Variants in MARCHF3 observed in about 807,000 individuals in gnomAD.
MARCHF3 encodes membrane associated ring-CH-type finger 3.
In MARCHF3, 13 loss-of-function variants were observed where a neutral mutation model predicts 24.2. The observed-to-expected ratio is 0.54, with a 90% CI of 0.35 to 0.85. MARCHF3 has a LOEUF of 0.85. MARCHF3 is among the 40% of genes least tolerant of loss of function. The pLI is 0.01. For missense variants in MARCHF3, 276 were observed against 325.0 expected, an observed-to-expected ratio of 0.85 and a Z score of 1.16; for synonymous variants, 144 against 137.3, an observed-to-expected ratio of 1.05 and a Z score of -0.34.
At chr5:126,895,622 T>C (rs1411417924) in intron 3 of MARCHF3, among the ~76,000 whole-genome samples, 1 of 151,906 alleles carries the variant, frequency 6.6e-6, no homozygotes, top group African/African-American at 2.4e-5. Flanking sequence ...GTTATGCTGC[T>C]CGGGGGTCAG....
At chr5:127,016,153 GA>G (rs1752631718) in intron 1 of MARCHF3, among the ~76,000 whole-genome samples, 1 of 151,848 alleles carries the variant, frequency 6.6e-6, no homozygotes, top group South Asian at 2.1e-4. Flanking sequence ...ATACATGTAG[GA>G]AAAAAACATA....
At chr5:126,878,791 C>T (rs528503606) in intron 3 of MARCHF3, among the ~76,000 whole-genome samples, 14 of 152,246 alleles carry the variant, frequency 9.2e-5, no homozygotes, top group Admixed American at 3.3e-4. Flanking sequence ...GTGCTGGAAA[C>T]GGTTGAGTTG....
At chr5:126,988,020 C>T (rs73786270) in intron 1 of MARCHF3, among the ~76,000 whole-genome samples, 2 of 151,968 alleles carry the variant, frequency 1.3e-5, no homozygotes, top group East Asian at 1.9e-4. Context: ...CTTGTCTCTA[C>T]GTCTAAAATT....
At chr5:126,955,710 C>T (rs910034122) in intron 1 of MARCHF3, among the ~76,000 whole-genome samples, 2 of 152,094 alleles carry the variant, frequency 1.3e-5, no homozygotes, top group African/African-American at 4.8e-5. Flanking sequence ...TAGTCTGAAA[C>T]GTTTTTTTCT....
chr5:126,915,106 T>G lies in MARCHF3; in HGVS notation c.217A>C (p.Ile73Leu). 1 of 1,614,052 alleles carries G rather than the reference T, an allele frequency of 6.2e-7. No homozygotes were observed. Among genetic ancestry groups the G allele is most frequent in the Non-Finnish European group, 8.5e-7 (1 of 1,180,030 alleles). ...TCTTGGCTGCTGCCCTCGTGGCAGA[T>G]CCTGCACATCGGCCGGTCATTGAAG... ...SPFNDRPMCR[I>L]CHEGSSQEDL... Residue 73 changes from isoleucine to leucine, a missense_variant, in exon 3 of 5, where the codon ATC becomes CTC. Physicochemically the swap from Ile to Leu is conservative, Grantham distance 5 (BLOSUM62 2). Coordinates refer to ENST00000308660, the MANE Select transcript of MARCHF3 (RefSeq NM_178450.5).
chr5:126,897,728 T>C (rs1202009870), intron 3 of MARCHF3, among the ~76,000 whole-genome samples: 2 of 151,958 alleles, frequency 1.3e-5, no homozygotes, highest in Non-Finnish European at 2.9e-5. Context: ...TATCCACAAA[T>C]AGGAGACCAT....
chr5:126,888,832 T>C (rs1029284029), intron 3 of MARCHF3, among the ~76,000 whole-genome samples: 5 of 152,230 alleles, frequency 3.3e-5, no homozygotes, highest in Non-Finnish European at 4.4e-5. Context: ...TGGCACAATC[T>C]TGGCTCACTG....
At chr5:126,986,968 T>G (rs1751585904) in intron 1 of MARCHF3, among the ~76,000 whole-genome samples, 1 of 152,248 alleles carries the variant, frequency 6.6e-6, no homozygotes, top group Non-Finnish European at 1.5e-5. Context: ...TGTGTCAACT[T>G]GGCTAGGCTA....
At chr5:126,976,043 G>C (rs1350183677) in intron 1 of MARCHF3, among the ~76,000 whole-genome samples, 1 of 152,082 alleles carries the variant, frequency 6.6e-6, no homozygotes, top group Non-Finnish European at 1.5e-5. Context: ...CCTTCAACCA[G>C]GTTTCCACTG....
intron 3 of MARCHF3, among the ~76,000 whole-genome samples, chr5:126,899,700 C>T (rs915756691): frequency 6.6e-6 from 1 of 152,120 alleles, no homozygotes; most frequent in African/African-American, 2.4e-5. Context: ...GAAAGAAGTG[C>T]CACTCTACTC....
At chr5:126,974,566 T>G (rs1269937804) in intron 1 of MARCHF3, among the ~76,000 whole-genome samples, 1 of 152,330 alleles carries the variant, frequency 6.6e-6, no homozygotes, top group East Asian at 1.9e-4. Flanking sequence ...AAGGAATGAT[T>G]AGGAACCTCA....
intron 3 of MARCHF3, among the ~76,000 whole-genome samples, chr5:126,890,624 T>A (rs1363077935): frequency 1.3e-5 from 2 of 152,036 alleles, no homozygotes; most frequent in Non-Finnish European, 2.9e-5. Flanking sequence ...AACTCATCAT[T>A]TTTTATGGCT....
At chr5:126,931,604 C>CAG (rs1384733570) in intron 1 of MARCHF3, among the ~76,000 whole-genome samples, 1 of 150,608 alleles carries the variant, frequency 6.6e-6, no homozygotes, top group Non-Finnish European at 1.5e-5. Flanking sequence ...CACACACACA[C>CAG]ACACACAGGC....
chr5:126,870,509 G>A lies in MARCHF3; in HGVS notation c.*124C>T. 1 of 801,760 alleles carries A rather than the reference G, an allele frequency of 1.2e-6. No homozygotes were observed. The highest frequency in any genetic ancestry group is 2.0e-6 in the Non-Finnish European group (1 of 490,960). The allele number at this position is 801,760 out of a possible 1,614,324, so 49.7% of individuals were successfully genotyped here. ...GTTGCTTGGAGTGATGTGCTAATATGCTCTGGATGTTCTTAGACCCACAGG... is the reference window on the plus strand; with the variant it reads ...GTTGCTTGGAGTGATGTGCTAATATACTCTGGATGTTCTTAGACCCACAGG... On this transcript the variant is annotated 3_prime_UTR_variant, in exon 5 of 5. Transcript: ENST00000308660.
intron 1 of MARCHF3, among the ~76,000 whole-genome samples, chr5:126,966,803 G>C (rs1415421172): frequency 6.6e-6 from 1 of 151,414 alleles, no homozygotes; most frequent in Non-Finnish European, 1.5e-5. Context: ...TTACGGCACA[G>C]AGGCTGTTTG....
chr5:126,882,558 G>T (rs1368066692), intron 3 of MARCHF3, among the ~76,000 whole-genome samples: 1 of 152,074 alleles, frequency 6.6e-6, no homozygotes, highest in African/African-American at 2.4e-5. Flanking sequence ...ATCAGTTATG[G>T]GGTATATACA....
chr5:126,887,640 A>G (rs1032424543), intron 3 of MARCHF3, among the ~76,000 whole-genome samples: 9 of 152,232 alleles, frequency 5.9e-5, no homozygotes, highest in Admixed American at 1.3e-4. Flanking sequence ...GAAAAGTTTA[A>G]GCACCTGGTA....
At chr5:126,961,864 C>G (rs1011780441) in intron 1 of MARCHF3, among the ~76,000 whole-genome samples, 4 of 152,132 alleles carry the variant, frequency 2.6e-5, no homozygotes, top group Non-Finnish European at 4.4e-5. Context: ...TGTTTACATC[C>G]TATAATCACA....
chr5:127,026,576 G>T (rs927071372), intron 1 of MARCHF3, among the ~76,000 whole-genome samples: 11 of 152,270 alleles, frequency 7.2e-5, no homozygotes, highest in Middle Eastern at 3.4e-3. Flanking sequence ...GAAGAAAAAG[G>T]TTAAAAAATT....
Sources: gnomAD v4.1 joint callset for allele counts (sites outside exome capture counted in the v4.1 genomes callset) on GRCh38, gnomAD v4.1.1 for gene constraint, MANE v1.5 for transcripts, NCBI Gene and HGNC (gene_info 2026-07-23, HGNC 2026-07-21) for gene names.